The following FER1L5 variants were observed in gnomAD, a reference collection of about 807,000 sequenced individuals.
The protein encoded by FER1L5 is fer-1 like family member 5, also known as fer-1-like protein 5.
FER1L5 carries 187 observed loss-of-function variants against 279.9 expected under a neutral mutation model. The ratio of observed to expected loss-of-function variants is 0.67; its 90% CI spans 0.59 to 0.75. The LOEUF (loss-of-function observed/expected upper bound fraction) is 0.75, where lower values mean the gene tolerates loss of function less well. Ranked by LOEUF, FER1L5 falls within the 30% of genes least tolerant of loss-of-function variation. FER1L5 has a pLI of 0.00. For missense variants in FER1L5, 2,091 were observed against 2,594.4 expected (o/e 0.81, Z 4.21); for synonymous variants, 921 against 989.7 (o/e 0.93, Z 1.30).
chr2:96,661,571 C>T (rs938841249), intron 11 of FER1L5, 97 bp from the exon 12 acceptor site: 2 of 1,519,188 alleles, frequency 1.3e-6, no homozygotes, highest in East Asian at 2.5e-5. Context: ...TGTCCCATCC[C>T]CCCTGCACCA....
At position 96,704,669 on chromosome 2, in the gene FER1L5, G is replaced by T. The variant is rs772343894; in HGVS notation, c.6151G>T (p.Glu2051Ter). The change falls in exon 53 of 53, where the codon GAA becomes TAA. Residue 2051 changes from glutamate to a stop codon, truncating the protein, a stop_gained. Transcript: ENST00000624922. LOFTEE classifies it high-confidence loss of function. ...AAATCACCTGAGTGATATTTTCCCA[G>T]AACTTCCAGCCCCAGGAGACTAATT... is the stretch of plus-strand genomic sequence containing the variant. Reference protein sequence around the residue: ...PTNHLSDIFPELPAPGD With the variant: ...PTNHLSDIFP The T allele has an allele frequency of 3.1e-6, 5 of 1,613,958 alleles. No homozygotes were observed. The Admixed American group carries it at 8.3e-5, about 27-fold the overall frequency.
intron 21 of FER1L5, 102 bp downstream of exon 21, chr2:96,685,531 C>T (rs951774588): frequency 6.1e-6 from 6 of 976,366 alleles, no homozygotes; most frequent in Admixed American, 2.7e-5. Flanking sequence ...CCGCCCTCCT[C>T]GGGGAGGAGC....
In FER1L5 at chr2:96,700,401, C is replaced by A. The variant is rs760221057; in HGVS notation, c.5000C>A (p.Thr1667Asn). Reference sequence around the variant, plus strand: ...CGCCTTGCACTGTACCTCCTGCACACCCAGGGGCTGGTACCTGAGCACGTG... The same window carrying A: ...CGCCTTGCACTGTACCTCCTGCACAACCAGGGGCTGGTACCTGAGCACGTG... ...KERLALYLLHTQGLVPEHVET... is the reference protein window; with the variant it reads ...KERLALYLLHNQGLVPEHVET... Residue 1667 changes from threonine (T) to asparagine (N), a missense_variant, in exon 45 of 53, where the codon ACC (threonine) becomes AAC (asparagine). Transcript: ENST00000624922. 2.5e-6 allele frequency: 4 copies of A among 1,613,756 alleles called. No homozygotes were observed. In the African/African-American group the frequency reaches 5.3e-5, roughly 22 times the overall value.
intron 6 of FER1L5, among the ~76,000 whole-genome samples, chr2:96,651,468 C>T (rs1447002921): frequency 2.8e-5 from 4 of 143,460 alleles, no homozygotes; most frequent in Non-Finnish European, 6.0e-5. Flanking sequence ...TTCCTTCCTC[C>T]GTCCCTCCCT....
At chr2:96,682,086 C>T (rs972409496) in intron 19 of FER1L5, among the ~76,000 whole-genome samples, 12 of 143,994 alleles carry the variant, frequency 8.3e-5, no homozygotes, top group African/African-American at 3.1e-4. Context: ...ATGCCTGGCC[C>T]TTTTTTGTTG....
At chr2:96,670,083 C>T in intron 17 of FER1L5, 36 bp from the exon 18 acceptor site, 1 of 1,550,580 alleles carries the variant, frequency 6.4e-7, no homozygotes, top group Non-Finnish European at 8.7e-7. Context: ...CTTTTTCTCT[C>T]ACCCCTTTTC....
rs781148234 is a variant in FER1L5 at position 96,703,195 on chromosome 2, G to A, written c.5540G>A (p.Arg1847Gln). The A allele has an allele frequency of 6.8e-6, 11 of 1,613,374 alleles. No individual in the cohort carries two copies. Among genetic ancestry groups the A allele is most frequent in the South Asian group, 3.3e-5 (3 of 90,986 alleles). The change falls in exon 50 of 53, where the codon CGG (arginine) becomes CAG (glutamine). Residue 1847 changes from arginine to glutamine, a missense_variant. Arg to Gln is a conservative substitution (Grantham distance 43, BLOSUM62 1). Transcript: ENST00000624922. ...TTGTCTGACATGCCCCTCCCGGCTC[G>A]GCACGCCAAGCAGTGCTCCATCAGG... ...LDLSDMPLPA[R>Q]HAKQCSIRMM...
At chr2:96,696,962 T>C (rs2077407538) in intron 37 of FER1L5, among the ~76,000 whole-genome samples, 1 of 152,182 alleles carries the variant, frequency 6.6e-6, no homozygotes, top group Non-Finnish European at 1.5e-5. Context: ...CAGGCTGTTC[T>C]TGAACTCCTT....
At position 96,642,914 on chromosome 2, in the gene FER1L5, C is replaced by T; in HGVS notation, c.78C>T (p.Asp26=). Residue 26 remains aspartate (D), a synonymous_variant, in exon 1 of 53, where the codon GAC becomes GAT. Coordinates refer to ENST00000624922, the MANE Select transcript of FER1L5 (RefSeq NM_001293083.2). ...TACCCAGGCCCTGCATGTCCATCGA[C>T]TTCAGAGGTGAGAGCCTCCCTGGGT... ...APLPRPCMSI[D]FRDIKKRTRV... 6.4e-7 allele frequency: 1 copy of T among 1,550,614 alleles called. No individual in the cohort carries two copies. The highest frequency in any genetic ancestry group is 1.2e-5 in the South Asian group (1 of 83,902).
chr2:96,677,309 C>T (rs2076546036), intron 19 of FER1L5, among the ~76,000 whole-genome samples: 1 of 152,200 alleles, frequency 6.6e-6, no homozygotes, highest in South Asian at 2.1e-4. Flanking sequence ...ACCCCCAGGT[C>T]CACACAACTA....
chr2:96,699,654 T>C lies in FER1L5; in HGVS notation c.4715T>C (p.Ile1572Thr), dbSNP rs1407985741. The C allele has an allele frequency of 6.2e-7, 1 of 1,613,866 alleles. No homozygotes were observed. The highest frequency in any genetic ancestry group is 8.5e-7 in the Non-Finnish European group (1 of 1,179,896). ...SPDDKIGTTVIDLENRLLSGF... is the reference protein window; with the variant it reads ...SPDDKIGTTVTDLENRLLSGF... ...GATGATAAGATAGGAACCACAGTCA[T>C]CGACCTTGAAAACCGACTCCTATCT... is the stretch of plus-strand genomic sequence containing the variant. Residue 1572 changes from isoleucine to threonine, a missense_variant, in exon 43 of 53, where the codon ATC becomes ACC. By Grantham distance (89) the Ile-to-Thr change is moderately conservative. Coordinates refer to ENST00000624922, the MANE Select transcript of FER1L5 (RefSeq NM_001293083.2).
At chr2:96,647,990 C>A in intron 4 of FER1L5, 104 bp downstream of exon 4, 1 of 805,716 alleles carries the variant, frequency 1.2e-6, no homozygotes, top group Non-Finnish European at 2.1e-6. Context: ...GGGGCCCCAT[C>A]ACACTGCCTT....
chr2:96,679,471 T>C (rs1223565102), intron 19 of FER1L5, among the ~76,000 whole-genome samples: 5 of 151,954 alleles, frequency 3.3e-5, no homozygotes, highest in Non-Finnish European at 7.4e-5. Context: ...ATCCACCCGC[T>C]TCAGCCTCCC....
At position 96,659,443 on chromosome 2, in the gene FER1L5, T is replaced by C. The variant is rs1363377735; in HGVS notation, c.748-898T>C. On this transcript the variant is annotated intron_variant, in intron 9 of 52. Transcript: ENST00000624922. ...TTTCTTTCTTTCTTTCTTTCTTTCT[T>C]TCTTTCTTTCTTTCTTTCTTTCTTT... Among the ~76,000 whole-genome samples the C allele has an allele frequency of 2.0e-4, 6 of 29,778 alleles. No individual in the cohort carries two copies. In the South Asian group the frequency reaches 5.4e-3, roughly 27 times the overall value. The allele number at this position is 29,778 out of a possible 152,430, so 19.5% of individuals were successfully genotyped here.
chr2:96,651,184 A>G lies in FER1L5; in HGVS notation c.505-708A>G, dbSNP rs188615862. Among the ~76,000 whole-genome samples, 45 of 152,164 alleles carry G rather than the reference A, an allele frequency of 3.0e-4. 1 individual carries two copies. The highest frequency in any genetic ancestry group is 1.9e-3 in the Admixed American group (29 of 15,302). ...GTCCATCTCCTCCTAGCCTTCTCCC[A>G]GTGGATTGTCTGTCTCCACTGTGGC... On this transcript the variant is annotated intron_variant, in intron 6 of 52. Coordinates refer to ENST00000624922, the MANE Select transcript of FER1L5 (RefSeq NM_001293083.2).
rs539326537 is a variant in FER1L5, at chr2:96,644,815, C to T, written c.86-1586C>T. On this transcript the variant is annotated intron_variant, in intron 1 of 52. Coordinates refer to ENST00000624922, the MANE Select transcript of FER1L5 (RefSeq NM_001293083.2). ...CTCAGTCTGCAGGTTTCAAGAGGGG[C>T]GGTGGGAGTTCAGGATGTATTTGCC... Among the ~76,000 whole-genome samples the T allele has an allele frequency of 5.9e-5, 9 of 152,248 alleles. No individual in the cohort carries two copies. In the East Asian group the frequency reaches 9.7e-4, roughly 16 times the overall value.
intron 2 of FER1L5, among the ~76,000 whole-genome samples, chr2:96,646,670 C>G (rs939134845): frequency 2.0e-5 from 3 of 152,176 alleles, no homozygotes; most frequent in Non-Finnish European, 4.4e-5. Context: ...CCTTCTCCCC[C>G]ACTCCGAGGA....
intron 9 of FER1L5, 139 bp from the exon 10 acceptor site, chr2:96,660,202 A>T: frequency 1.2e-6 from 1 of 833,966 alleles, no homozygotes; most frequent in East Asian, 2.7e-5. Context: ...CCTACCTCTC[A>T]GGCTGCTGTA....
rs1042342950 is a variant in FER1L5 at position 96,702,673 on chromosome 2, T to A, written c.5329T>A (p.Phe1777Ile). ...CCACTCGCTGACTGGGGAGGCCGAC[T>A]TCAACTGGCGGTTCATCTTTACCAT... ...HYHSLTGEAD[F>I]NWRFIFTMDY... The change falls in exon 48 of 53, where the codon TTC (phenylalanine) becomes ATC (isoleucine). Residue 1777 changes from phenylalanine to isoleucine, a missense_variant. By Grantham distance (21) the Phe-to-Ile change is conservative. Transcript: ENST00000624922. This position sits in a 1 kb window ranked among gnomAD's most constrained non-coding sequence, Gnocchi z 4.0. 5.0e-6 allele frequency: 8 copies of A among 1,611,854 alleles called. No homozygotes were observed. The highest frequency in any genetic ancestry group is 1.1e-5 in the South Asian group (1 of 90,560).
Sources: allele counts gnomAD v4.1 joint callset (sites outside exome capture counted in the v4.1 genomes callset), GRCh38; gene constraint gnomAD v4.1.1; non-coding constraint Gnocchi (gnomAD v3.1); transcripts MANE v1.5; gene names NCBI Gene and HGNC (gene_info 2026-07-23, HGNC 2026-07-21).